Variants in MYO1H observed in about 807,000 individuals in gnomAD.
MYO1H encodes unconventional myosin-Ih.
MYO1H carries 118 observed loss-of-function variants against 149.3 expected under a neutral mutation model. The ratio of observed to expected loss-of-function variants is 0.79; its 90% confidence interval spans 0.68 to 0.92. MYO1H has a LOEUF of 0.92. MYO1H is among the 40% of genes least tolerant of loss of function. The pLI is 0.00. For missense variants in MYO1H, 1,212 were observed against 1,280.7 expected (o/e 0.95, Z 0.82); for synonymous variants, 447 against 465.2 (o/e 0.96, Z 0.50).
At chr12:109,335,366 G>T in the MYO1H span, among the ~76,000 whole-genome samples, 1 of 152,044 alleles carries the variant, frequency 6.6e-6, no homozygotes, top group African/African-American at 2.4e-5. Flanking sequence ...GAGAACTATC[G>T]TGATGACAGC....
intron 26 of MYO1H, 105 bp downstream of exon 26, chr12:109,441,813 G>A (rs530425134): frequency 1.4e-5 from 10 of 715,722 alleles, no homozygotes; most frequent in African/African-American, 1.3e-4. Context: ...TTGGGAGGCC[G>A]AGGTGGGCGG....
chr12:109,412,873 C>T (rs1177242240), intron 14 of MYO1H, among the ~76,000 whole-genome samples: 1 of 152,164 alleles, frequency 6.6e-6, no homozygotes, highest in Non-Finnish European at 1.5e-5. Context: ...ACAACCTCCG[C>T]CTCCTGGGTT....
the MYO1H span, among the ~76,000 whole-genome samples, chr12:109,341,378 T>C: frequency 7.9e-5 from 12 of 152,200 alleles, no homozygotes; most frequent in Non-Finnish European, 2.9e-5. Flanking sequence ...TACATTTCTA[T>C]TATATTTGCT....
chr12:109,409,932 C>T (rs1870592233), intron 11 of MYO1H, 31 bp from the exon 12 acceptor site: 1 of 1,266,156 alleles, frequency 7.9e-7, no homozygotes, highest in Non-Finnish European at 1.1e-6. Context: ...CTTCATATAA[C>T]TTTAGTTACT....
the MYO1H span, among the ~76,000 whole-genome samples, chr12:109,311,378 A>G: frequency 6.6e-6 from 1 of 152,162 alleles, no homozygotes; most frequent in Admixed American, 6.5e-5. Context: ...GGTTGGTAAA[A>G]ATATTGCCAC....
rs150083896 is a variant in MYO1H, at chr12:109,431,574, C to T, written c.1950-1323C>T. ...ACACAGGTGAGGCAGCGACTCCTCC[C>T]GCTCCGGAGCTGGGCTGGAACCCAG... On this transcript the variant is annotated intron_variant, in intron 19 of 31. Coordinates refer to ENST00000310903, the Ensembl canonical transcript of MYO1H. Among the ~76,000 whole-genome samples, 1,427 of 152,240 alleles carry T rather than the reference C, an allele frequency of 9.4e-3. 59 individuals carry two copies. The highest frequency in any genetic ancestry group is 0.066 in the Admixed American group (1,006 of 15,288).
At chr12:109,437,325 T>C (rs1871901666) in intron 22 of MYO1H, among the ~76,000 whole-genome samples, 1 of 152,140 alleles carries the variant, frequency 6.6e-6, no homozygotes, top group Non-Finnish European at 1.5e-5. Context: ...AAATAATATA[T>C]TTATAATTTA....
chr12:109,324,310 A>C, the MYO1H span, among the ~76,000 whole-genome samples: 3 of 152,190 alleles, frequency 2.0e-5, no homozygotes, highest in Non-Finnish European at 4.4e-5. Flanking sequence ...CGGAAGCCAC[A>C]CAGTGTCCCT....
intron 27 of MYO1H, among the ~76,000 whole-genome samples, chr12:109,442,802 T>TGCC (rs1295313508): frequency 8.7e-6 from 1 of 115,580 alleles, no homozygotes; most frequent in Non-Finnish European, 1.7e-5. Context: ...GCTCTTTTTT[T>TGCC]TTTTTTTTTT....
rs556759569 is a variant in MYO1H at position 109,413,378 on chromosome 12, C to G, written c.1502+1393C>G. ...ATTTTGTAAATGATGCCATAAATTG[C>G]CTAGTGCAATCTCTGGCCATGGTAA... On this transcript the variant is annotated intron_variant, in intron 14 of 31. Transcript: ENST00000310903. 3.3e-5 allele frequency among the ~76,000 whole-genome samples: 5 copies of G among 152,214 alleles called. No homozygotes were observed. In the South Asian group the frequency reaches 1.0e-3, roughly 32 times the overall value.
At chr12:109,427,316 CAAAAAAA>C (rs34644066) in intron 18 of MYO1H, among the ~76,000 whole-genome samples, 146 bp from the exon 19 acceptor site, 25 of 101,236 alleles carry the variant, frequency 2.5e-4, no homozygotes, top group Non-Finnish European at 4.9e-4. Flanking sequence ...AACCCCATCT[CAAAAAAA>C]AAAAAAAAAA....
At chr12:109,323,503 T>G in the MYO1H span, among the ~76,000 whole-genome samples, 15 of 152,250 alleles carry the variant, frequency 9.9e-5, no homozygotes, top group African/African-American at 3.1e-4. Flanking sequence ...GAGCCCTGTT[T>G]CTCAAACTTG....
the MYO1H span, among the ~76,000 whole-genome samples, chr12:109,342,375 C>T: frequency 6.6e-6 from 1 of 151,898 alleles, no homozygotes; most frequent in Admixed American, 6.6e-5. Context: ...GAACTCCTGA[C>T]CTCAAGTGAT....
At chr12:109,329,509 G>A in the MYO1H span, among the ~76,000 whole-genome samples, 1 of 152,132 alleles carries the variant, frequency 6.6e-6, no homozygotes, top group Non-Finnish European at 1.5e-5. Flanking sequence ...CATCCTCAGT[G>A]GGTGCTGAGA....
intron 27 of MYO1H, among the ~76,000 whole-genome samples, chr12:109,443,291 T>TGTGTGTGTATATGTGTACGTATA (rs1566045358): frequency 1.3e-5 from 1 of 75,356 alleles, no homozygotes; most frequent in African/African-American, 5.2e-5. Context: ...TGTACGTATA[T>TGTGTGTGTATATGTGTACGTATA]ATGTGTGTAT....
chr12:109,315,790 A>G, the MYO1H span, among the ~76,000 whole-genome samples: 1 of 152,232 alleles, frequency 6.6e-6, no homozygotes, highest in African/African-American at 2.4e-5. Flanking sequence ...TGGTCTTATA[A>G]TACAGTGAAG....
At chr12:109,340,806 C>T in the MYO1H span, among the ~76,000 whole-genome samples, 1 of 152,068 alleles carries the variant, frequency 6.6e-6, no homozygotes, top group Admixed American at 6.5e-5. Context: ...ATCCTTTTTG[C>T]ATATGCATGT....
intron 13 of MYO1H, among the ~76,000 whole-genome samples, chr12:109,411,616 A>G (rs1247637834): frequency 9.3e-6 from 1 of 107,434 alleles, no homozygotes; most frequent in African/African-American, 4.1e-5. Flanking sequence ...TGGTCATAGT[A>G]GCTGTGTGGA....
In MYO1H at chr12:109,424,740, A is replaced by G; in HGVS notation, c.1645-8A>G. On this transcript the variant is annotated splice_region_variant and splice_polypyrimidine_tract_variant and intron_variant, in intron 16 of 31. Transcript: ENST00000310903. ...GCGAACGTGGTACTCATTTCTCTTC[A>G]CTTACAGGTGCTGTGCAAGTCCAAG... 1 of 1,612,256 alleles carries G rather than the reference A, an allele frequency of 6.2e-7. No individual in the cohort carries two copies.
Sources: allele counts gnomAD v4.1 joint callset (sites outside exome capture counted in the v4.1 genomes callset), GRCh38; gene constraint gnomAD v4.1.1; transcripts MANE v1.5; gene names NCBI Gene and HGNC (gene_info 2026-07-23, HGNC 2026-07-21).